NUDC: variants seen among roughly 807,000 people sequenced by gnomAD.
The protein encoded by NUDC is nuclear migration protein nudC.
In NUDC, 14 loss-of-function variants were observed where a neutral mutation model predicts 45.0. That is an observed-to-expected ratio of 0.31 (90% confidence interval 0.21 to 0.49). The LOEUF is 0.49. Among genes scored for constraint, NUDC ranks in the 20% least tolerant of loss-of-function variants. The probability of loss-of-function intolerance (pLI) is 0.99; values close to 1 mark genes in which losing one functional copy is unlikely to be tolerated. For synonymous variants in NUDC, 153 were observed against 156.7 expected, an observed-to-expected ratio of 0.98 and a Z score of 0.17; for missense variants, 323 against 426.2, an observed-to-expected ratio of 0.76 and a Z score of 2.13.
At chr1:26,926,229 C>T (rs1218109436) in intron 2 of NUDC, among the ~76,000 whole-genome samples, 3 of 152,098 alleles carry the variant, frequency 2.0e-5, no homozygotes, top group African/African-American at 7.2e-5. Flanking sequence ...AAGAAGGAGA[C>T]GTAGACGTTC....
chr1:26,945,505 A>G, intron 7 of NUDC, 32 bp downstream of exon 7: 1 of 1,612,244 alleles, frequency 6.2e-7, no homozygotes, highest in Non-Finnish European at 8.5e-7. Context: ...GAGCTTCAGC[A>G]GGAAGGTGAG....
chr1:26,946,369 G>C lies in NUDC; in HGVS notation c.*188G>C. 4.6e-6 allele frequency: 3 copies of C among 649,282 alleles called. No individual in the cohort carries two copies. In the South Asian group the frequency reaches 5.0e-5, roughly 11 times the overall value. 40.2% of individuals were successfully genotyped at this position (649,282 alleles called of 1,614,324 possible). Reference sequence around the variant, plus strand: ...CCTTGTCCTCCCCAGTTGGCCTACTGTTACACATTAAAACGATTTGCCCAG... The same window carrying C: ...CCTTGTCCTCCCCAGTTGGCCTACTCTTACACATTAAAACGATTTGCCCAG... On this transcript the variant is annotated 3_prime_UTR_variant, in exon 9 of 9. Transcript: ENST00000321265.
intron 2 of NUDC, among the ~76,000 whole-genome samples, chr1:26,907,198 C>A (rs754223629): frequency 5.9e-5 from 9 of 152,178 alleles, no homozygotes; most frequent in Non-Finnish European, 8.8e-5. Flanking sequence ...TTGGAATGCC[C>A]ATCCCTTGGG....
chr1:26,940,489 TAAAA>T (rs35111983), intron 2 of NUDC, among the ~76,000 whole-genome samples: 1 of 143,288 alleles, frequency 7.0e-6, no homozygotes, highest in African/African-American at 2.6e-5. Flanking sequence ...AAAAAAAAAT[TAAAA>T]AAAAAAGCTC....
At chr1:26,941,111 G>A (rs368679151) in intron 2 of NUDC, among the ~76,000 whole-genome samples, 1 of 38,948 alleles carries the variant, frequency 2.6e-5, no homozygotes, top group Admixed American at 3.3e-4. Flanking sequence ...TTTTTTTTTT[G>A]TATTTTTGGT....
chr1:26,920,229 C>T (rs1010456327), upstream of NUDC, among the ~76,000 whole-genome samples: 3 of 152,152 alleles, frequency 2.0e-5, no homozygotes, highest in African/African-American at 7.2e-5. Flanking sequence ...GTGGCTCATG[C>T]CTGTAATCCT....
At chr1:26,908,178 T>TA (rs1172613331) in intron 2 of NUDC, among the ~76,000 whole-genome samples, 78 of 141,610 alleles carry the variant, frequency 5.5e-4, no homozygotes, top group East Asian at 4.1e-3. Context: ...AAACTCCATC[T>TA]AAAAAAAAAA....
intron 1 of NUDC, among the ~76,000 whole-genome samples, chr1:26,923,363 A>G (rs1448387921): frequency 6.6e-6 from 1 of 152,192 alleles, no homozygotes; most frequent in African/African-American, 2.4e-5. Context: ...TGTCCATCTG[A>G]TACTCAAACC....
chr1:26,944,032 CATGCCTGT>C (rs2082299890), intron 6 of NUDC, among the ~76,000 whole-genome samples: 1 of 152,010 alleles, frequency 6.6e-6, no homozygotes, highest in Admixed American at 6.6e-5. Context: ...CGCCCGCCAC[CATGCCTGT>C]ATTTTTTTTT....
chr1:26,942,597 G>A, intron 4 of NUDC, 63 bp from the exon 5 acceptor site: 2 of 1,602,766 alleles, frequency 1.2e-6, no homozygotes, highest in South Asian at 1.1e-5. Flanking sequence ...GCTTGGCCCA[G>A]TGAGGGTTCA....
intron 2 of NUDC, chr1:26,911,030 GT>G (rs1416241009): frequency 2.3e-6 from 1 of 434,862 alleles, no homozygotes; most frequent in Non-Finnish European, 4.7e-6. Flanking sequence ...CTAAACCTTG[GT>G]CTGCCTTGGC....
At position 26,942,933 on chromosome 1, in the gene NUDC, G is replaced by C; in HGVS notation, c.609G>C (p.Gln203His). Residue 203 changes from glutamine (Q) to histidine (H), a missense_variant, in exon 6 of 9, where the codon CAG becomes CAC. By Grantham distance (24) the Gln-to-His change is conservative. Coordinates refer to ENST00000321265, the MANE Select transcript of NUDC (RefSeq NM_006600.4). ...LKGKDMVVDI[Q>H]RRHLRVGLKG... Reference sequence around the variant, plus strand: ...GGAAGGACATGGTGGTGGACATCCAGCGGCGGCACCTCCGGGTGGGGCTCA... The same window carrying C: ...GGAAGGACATGGTGGTGGACATCCACCGGCGGCACCTCCGGGTGGGGCTCA... The C allele has an allele frequency of 6.2e-7, 1 of 1,614,054 alleles. No homozygotes were observed. The highest frequency in any genetic ancestry group is 1.1e-5 in the South Asian group (1 of 91,062).
At chr1:26,942,359 G>A (rs1416406030) in intron 4 of NUDC, among the ~76,000 whole-genome samples, 1 of 152,208 alleles carries the variant, frequency 6.6e-6, no homozygotes, top group African/African-American at 2.4e-5. Context: ...GCCAGAGAGG[G>A]CAGTGCCTAT....
intron 2 of NUDC, among the ~76,000 whole-genome samples, chr1:26,939,297 C>T (rs2082259113): frequency 6.6e-6 from 1 of 151,978 alleles, no homozygotes; most frequent in African/African-American, 2.4e-5. Context: ...GGATTACGGG[C>T]ATGAGCCACC....
upstream of NUDC, among the ~76,000 whole-genome samples, chr1:26,920,733 G>A (rs2082085183): frequency 6.6e-6 from 1 of 150,580 alleles, no homozygotes; most frequent in African/African-American, 2.5e-5. Context: ...CTTAGCCTGG[G>A]CAACACAGAC....
rs568578158 is a variant in NUDC at position 26,931,987 on chromosome 1, C to CT, written c.159+7834dup. On this transcript the variant is annotated intron_variant, in intron 2 of 8. Coordinates refer to ENST00000321265, the MANE Select transcript of NUDC (RefSeq NM_006600.4). ...AGGTGTGAGCCACCACGCTTGGCCC[C>CT]TTTTTTTTTTTTTAATTTTTATTTA... 9.0e-3 allele frequency among the ~76,000 whole-genome samples: 1,253 copies of CT among 139,778 alleles called. 22 individuals are homozygous for CT. The highest frequency in any genetic ancestry group is 0.04 in the Admixed American group (561 of 13,868). The allele number at this position is 139,778 out of a possible 152,430, so 91.7% of individuals were successfully genotyped here. A position where few individuals can be genotyped will look rare whatever the true frequency, so the allele number is the denominator to read the frequency against.
intron 1 of NUDC, among the ~76,000 whole-genome samples, chr1:26,901,133 A>G (rs2081976733): frequency 1.3e-5 from 2 of 152,192 alleles, no homozygotes; most frequent in Admixed American, 1.3e-4. Flanking sequence ...AGTAAAAGCA[A>G]AGCTACACAT....
chr1:26,921,667 A>G (rs1184283899), upstream of NUDC: 3 of 660,168 alleles, frequency 4.5e-6, no homozygotes, highest in Non-Finnish European at 7.9e-6. Flanking sequence ...ATGGCCGCAA[A>G]CCGGGAGGAA....
chr1:26,923,173 A>G (rs2082104797), intron 1 of NUDC, among the ~76,000 whole-genome samples: 1 of 152,152 alleles, frequency 6.6e-6, no homozygotes, highest in Non-Finnish European at 1.5e-5. Flanking sequence ...GCCATGGTTC[A>G]TGGTTCCTAT....
Sources: allele counts gnomAD v4.1 joint callset (sites outside exome capture counted in the v4.1 genomes callset), GRCh38; gene constraint gnomAD v4.1.1; transcripts MANE v1.5; gene names NCBI Gene and HGNC (gene_info 2026-07-23, HGNC 2026-07-21).